ADCY2: variants seen among roughly 807,000 people sequenced by gnomAD.
ADCY2 encodes adenylate cyclase 2.
ADCY2 carries 31 observed loss-of-function variants against 125.2 expected under a neutral mutation model. The ratio of observed to expected loss-of-function variants is 0.25; its 90% CI spans 0.19 to 0.33. The LOEUF (loss-of-function observed/expected upper bound fraction) is 0.33, where lower values mean the gene tolerates loss of function less well. ADCY2 is among the 10% of genes least tolerant of loss of function. The pLI is 1.00. For missense variants in ADCY2, 904 were observed against 1,418.2 expected, an observed-to-expected ratio of 0.64 and a Z score of 5.82; for synonymous variants, 512 against 548.4, an observed-to-expected ratio of 0.93 and a Z score of 0.93.
Position 7,396,406 on chromosome 5 carries a change from A to G in ADCY2, c.110A>G (p.Tyr37Cys). 5.7e-6 allele frequency: 9 copies of G among 1,577,772 alleles called. No individual in the cohort carries two copies. The highest frequency in any genetic ancestry group is 7.7e-6 in the Non-Finnish European group (9 of 1,162,742). The change falls in exon 1 of 25, where the codon TAC becomes TGC. Residue 37 changes from tyrosine (Y) to cysteine (C), a missense_variant. Tyr to Cys is a radical substitution (Grantham distance 194). Coordinates refer to ENST00000338316, the MANE Select transcript of ADCY2 (RefSeq NM_020546.3). This position sits in a 1 kb window ranked among gnomAD's most constrained non-coding sequence, Gnocchi z 5.7. ...TCCCGGGACTGGCTCTACGAGTCCT[A>G]CTACTGCATGAGCCAGCAGCACCCG... is the stretch of plus-strand genomic sequence containing the variant. ...PRSRDWLYES[Y>C]YCMSQQHPLI...
intron 4 of ADCY2, among the ~76,000 whole-genome samples, chr5:7,633,543 A>G (rs866513455): frequency 6.6e-6 from 1 of 152,226 alleles, no homozygotes; most frequent in Non-Finnish European, 1.5e-5. Context: ...ATGGTTAAAT[A>G]TATGCAGGTG....
At chr5:7,614,190 A>G (rs560289627) in intron 3 of ADCY2, among the ~76,000 whole-genome samples, 69 of 152,330 alleles carry the variant, frequency 4.5e-4, no homozygotes, top group African/African-American at 1.6e-3. Context: ...AACAGAAAAC[A>G]AAATTGTTTG....
chr5:7,766,840 C>T (rs1287099060), intron 17 of ADCY2, 34 bp downstream of exon 17: 1 of 1,601,974 alleles, frequency 6.2e-7, no homozygotes, highest in Non-Finnish European at 8.5e-7. Context: ...GCTTTGGTGG[C>T]TCTCCTGTAT....
intron 3 of ADCY2, among the ~76,000 whole-genome samples, chr5:7,592,686 A>C (rs1736887469): frequency 6.6e-6 from 1 of 152,374 alleles, no homozygotes; most frequent in East Asian, 1.9e-4. Context: ...TGATGCCAAA[A>C]CAATCATCAG....
At chr5:7,727,052 C>T in intron 13 of ADCY2, 112 bp from the exon 14 acceptor site, 1 of 744,288 alleles carries the variant, frequency 1.3e-6, no homozygotes. Flanking sequence ...TGGCTGCAAT[C>T]TGCACAATTT....
chr5:7,404,650 T>C (rs1337657660), intron 1 of ADCY2, among the ~76,000 whole-genome samples: 1 of 152,244 alleles, frequency 6.6e-6, no homozygotes, highest in Non-Finnish European at 1.5e-5. Context: ...CATTTTTTTA[T>C]TGGCCAGAGT....
chr5:7,713,532 C>A (rs1741506043), intron 11 of ADCY2, among the ~76,000 whole-genome samples: 1 of 151,518 alleles, frequency 6.6e-6, no homozygotes, highest in African/African-American at 2.4e-5. Flanking sequence ...TTACACTTTT[C>A]TGTTGAATTC....
chr5:7,775,373 G>A (rs1041163121), intron 18 of ADCY2, among the ~76,000 whole-genome samples: 2 of 145,578 alleles, frequency 1.4e-5, no homozygotes, highest in Non-Finnish European at 3.0e-5. Flanking sequence ...GAGCCACAGC[G>A]CCTGGCCTCT....
chr5:7,577,707 A>G (rs1291139094), intron 3 of ADCY2, among the ~76,000 whole-genome samples: 1 of 152,210 alleles, frequency 6.6e-6, no homozygotes, highest in Admixed American at 6.5e-5. Context: ...TAATAATAAT[A>G]ATAAATCAAT....
At chr5:7,428,124 T>C (rs1740454712) in intron 2 of ADCY2, among the ~76,000 whole-genome samples, 1 of 152,190 alleles carries the variant, frequency 6.6e-6, no homozygotes, top group South Asian at 2.1e-4. Context: ...AAAGGTGATT[T>C]CAGCTTTTCA....
intron 3 of ADCY2, among the ~76,000 whole-genome samples, chr5:7,522,857 C>T (rs556516644): frequency 4.0e-5 from 6 of 150,586 alleles, no homozygotes; most frequent in Admixed American, 2.0e-4. Context: ...ACCCAGGAGG[C>T]GGAGCTTGCA....
intron 5 of ADCY2, among the ~76,000 whole-genome samples, chr5:7,693,455 G>A (rs1189611153): frequency 1.9e-5 from 2 of 105,804 alleles, no homozygotes; most frequent in Non-Finnish European, 4.1e-5. Context: ...GTCTCACTCT[G>A]TCACCCAGGC....
intron 24 of ADCY2, among the ~76,000 whole-genome samples, chr5:7,825,470 G>C (rs112278741): frequency 1.3e-5 from 2 of 152,254 alleles, no homozygotes; most frequent in African/African-American, 2.4e-5. Flanking sequence ...GCACAGGTTT[G>C]TCACTCCAGT....
At chr5:7,580,277 A>T (rs1049031298) in intron 3 of ADCY2, among the ~76,000 whole-genome samples, 21 of 152,340 alleles carry the variant, frequency 1.4e-4, no homozygotes, top group African/African-American at 4.8e-4. Context: ...ATTACTTTTT[A>T]AAAAAGAAAT....
At chr5:7,810,758 G>A (rs1744915093) in intron 22 of ADCY2, among the ~76,000 whole-genome samples, 1 of 152,074 alleles carries the variant, frequency 6.6e-6, no homozygotes, top group Non-Finnish European at 1.5e-5. Flanking sequence ...TCATTAGACT[G>A]GGAGTGTTCT....
rs1416319625 is a variant in ADCY2, at chr5:7,820,611, G to A, written c.3045G>A (p.Lys1015=). The A allele has an allele frequency of 6.2e-7, 1 of 1,614,074 alleles. No homozygotes were observed. Among genetic ancestry groups the A allele is most frequent in the South Asian group, 1.1e-5 (1 of 91,064 alleles). The change falls in exon 24 of 25, where the codon AAG becomes AAA. Residue 1015 remains lysine (K), a synonymous_variant. Coordinates refer to ENST00000338316, the MANE Select transcript of ADCY2 (RefSeq NM_020546.3). ...PVIAGVIGAQ[K]PQYDIWGNTV... ...TAGCTGGTGTGATTGGAGCTCAGAA[G>A]CCACAATATGATATCTGGGGCAACA...
chr5:7,444,176 G>C (rs1303061213), intron 2 of ADCY2, among the ~76,000 whole-genome samples: 6 of 149,956 alleles, frequency 4.0e-5, no homozygotes, highest in Admixed American at 6.6e-5. Context: ...TGCAGTGGCG[G>C]GATCTCGGCT....
intron 3 of ADCY2, among the ~76,000 whole-genome samples, chr5:7,537,885 C>A (rs1348566776): frequency 6.6e-6 from 1 of 152,184 alleles, no homozygotes; most frequent in African/African-American, 2.4e-5. Flanking sequence ...TTCCTCTCCT[C>A]ACTGTTGTTA....
At chr5:7,627,666 AGT>A (rs1344291719) in intron 4 of ADCY2, among the ~76,000 whole-genome samples, 1 of 152,242 alleles carries the variant, frequency 6.6e-6, no homozygotes, top group Non-Finnish European at 1.5e-5. Flanking sequence ...ATTTCATCAA[AGT>A]GTATTGTGGT....
Sources: allele counts gnomAD v4.1 joint callset (sites outside exome capture counted in the v4.1 genomes callset), GRCh38; gene constraint gnomAD v4.1.1; non-coding constraint Gnocchi (gnomAD v3.1); transcripts MANE v1.5; gene names NCBI Gene and HGNC (gene_info 2026-07-23, HGNC 2026-07-21).